Variants in CFAP20DC observed in about 807,000 individuals in gnomAD.
CFAP20DC encodes CFAP20 domain containing.
Under a neutral mutation model 101.7 loss-of-function variants are expected in CFAP20DC, and 84 were observed. The observed-to-expected ratio is 0.83, with a 90% CI of 0.69 to 0.99. The LOEUF is 0.99. Ranked by LOEUF, CFAP20DC falls within the 50% of genes least tolerant of loss-of-function variation. CFAP20DC has a pLI of 0.00. For synonymous variants in CFAP20DC, 359 were observed against 351.2 expected (o/e 1.02, Z -0.25); for missense variants, 1,007 against 970.3 (o/e 1.04, Z -0.50).
chr3:58,816,711 G>T (rs1053907968), intron 14 of CFAP20DC, among the ~76,000 whole-genome samples: 1 of 152,216 alleles, frequency 6.6e-6, no homozygotes, highest in African/African-American at 2.4e-5. Flanking sequence ...CGAGGCTGGG[G>T]GAGGGGCGCC....
Position 58,849,136 on chromosome 3 carries a change from T to G in CFAP20DC, c.1867A>C (p.Ile623Leu). The G allele has an allele frequency of 6.5e-7, 1 of 1,536,112 alleles. No individual in the cohort carries two copies. Among genetic ancestry groups the G allele is most frequent in the Non-Finnish European group, 8.7e-7 (1 of 1,146,910 alleles). ...GSCQKTPEPVIKAKDLSAQQV... is the reference protein window; with the variant it reads ...GSCQKTPEPVLKAKDLSAQQV... The stretch of plus-strand genomic sequence containing the variant: ...TGGGCTGATAGATCCTTCGCTTTGA[T>G]TACGGGCTCTGGAGTTTTCTGACAG... Residue 623 changes from isoleucine (I) to leucine (L), a missense_variant, in exon 13 of 17, where the codon ATC becomes CTC. By Grantham distance (5) the Ile-to-Leu change is conservative. Coordinates refer to ENST00000482387, the MANE Select transcript of CFAP20DC (RefSeq NM_001394063.1).
chr3:58,770,457 T>C (rs2107489621), intron 15 of CFAP20DC, among the ~76,000 whole-genome samples: 1 of 152,300 alleles, frequency 6.6e-6, no homozygotes, highest in South Asian at 2.1e-4. Context: ...AAGTGTTAGA[T>C]AGAGGTAAGC....
intron 15 of CFAP20DC, among the ~76,000 whole-genome samples, chr3:58,801,142 G>A (rs1221848008): frequency 1.3e-5 from 2 of 152,054 alleles, no homozygotes; most frequent in African/African-American, 4.8e-5. Flanking sequence ...ATCAGTAAAT[G>A]AGCTTTCAGC....
chr3:58,896,126 G>T (rs1285909691), intron 6 of CFAP20DC, among the ~76,000 whole-genome samples: 1 of 152,172 alleles, frequency 6.6e-6, no homozygotes, highest in Non-Finnish European at 1.5e-5. Context: ...TCTTGGGAGG[G>T]TGTATGCATC....
At chr3:58,856,590 C>T (rs2078849694) in intron 12 of CFAP20DC, among the ~76,000 whole-genome samples, 1 of 152,182 alleles carries the variant, frequency 6.6e-6, no homozygotes, top group Non-Finnish European at 1.5e-5. Context: ...ACTCTGCCTT[C>T]AGGCAGAAAA....
At chr3:58,862,143 G>C in intron 12 of CFAP20DC, 1 of 954,688 alleles carries the variant, frequency 1.0e-6, no homozygotes, top group Non-Finnish European at 1.2e-6. Context: ...GTTTTCCAGA[G>C]AACTACCATT....
chr3:58,876,917 A>G (rs2080798138), intron 7 of CFAP20DC, among the ~76,000 whole-genome samples: 1 of 152,242 alleles, frequency 6.6e-6, no homozygotes, highest in Non-Finnish European at 1.5e-5. Flanking sequence ...CAAATACAAA[A>G]AAGGCTGATC....
rs1270679978 is a variant in CFAP20DC, at chr3:59,039,649, C to T, written c.206-20G>A. The T allele has an allele frequency of 1.4e-6, 2 of 1,444,414 alleles. No individual in the cohort carries two copies. The highest frequency in any genetic ancestry group is 1.9e-6 in the Non-Finnish European group (2 of 1,071,372). 89.5% of individuals were successfully genotyped at this position (1,444,414 alleles called of 1,614,324 possible). ...ATCCAACTAGAATGAAGAGGAAATA[C>T]ACATTCAAATGTTCGAAGCATTTAT... On this transcript the variant is annotated intron_variant, in intron 3 of 16. Transcript: ENST00000482387.
At chr3:58,781,599 A>T (rs1245788543) in intron 15 of CFAP20DC, among the ~76,000 whole-genome samples, 1 of 151,962 alleles carries the variant, frequency 6.6e-6, no homozygotes, top group Non-Finnish European at 1.5e-5. Context: ...ATGAAACCGA[A>T]GATATTACAA....
chr3:58,817,599 A>G (rs1331465438), intron 14 of CFAP20DC, among the ~76,000 whole-genome samples: 2 of 143,932 alleles, frequency 1.4e-5, no homozygotes, highest in African/African-American at 5.2e-5. Flanking sequence ...AAAAAAGAAT[A>G]AAAAGAAATG....
chr3:59,008,270 GTGAACAGCTTTCC>G, intron 4 of CFAP20DC, among the ~76,000 whole-genome samples: 1 of 152,258 alleles, frequency 6.6e-6, no homozygotes, highest in South Asian at 2.1e-4. Flanking sequence ...AGGCTGTGAG[GTGAACAGCTTTCC>G]TGGTGACCTG....
Position 58,861,101 on chromosome 3 carries a change from AG to A in CFAP20DC, c.1593+2456del, listed in dbSNP as rs1268912555. 1.3e-5 allele frequency: 2 copies of A among 153,212 alleles called. No individual in the cohort carries two copies. Among genetic ancestry groups the A allele is most frequent in the African/African-American group, 4.8e-5 (2 of 41,472 alleles). The allele number at this position is 153,212 out of a possible 1,614,324, so 9.5% of individuals were successfully genotyped here. A position where few individuals can be genotyped will look rare whatever the true frequency, so the allele number is the denominator to read the frequency against. ...ATTACAATGACAATGTATTGCTGAA[AG>A]CTAATTTTAATTAGCTTTTACTGTT... is the stretch of plus-strand genomic sequence containing the variant. On this transcript the variant is annotated intron_variant, in intron 12 of 16. Coordinates refer to ENST00000482387, the MANE Select transcript of CFAP20DC (RefSeq NM_001394063.1). The surrounding 1 kb of genome is among the most constrained non-coding windows in gnomAD (Gnocchi z 4.0).
intron 15 of CFAP20DC, among the ~76,000 whole-genome samples, chr3:58,787,233 G>C (rs913195941): frequency 6.7e-6 from 1 of 149,246 alleles, no homozygotes; most frequent in Non-Finnish European, 1.5e-5. Flanking sequence ...GTAAACTATC[G>C]CAAGAACAAA....
intron 15 of CFAP20DC, among the ~76,000 whole-genome samples, chr3:58,765,186 A>C (rs1030222651): frequency 6.6e-6 from 1 of 152,140 alleles, no homozygotes; most frequent in Admixed American, 6.5e-5. Context: ...TTGTCTAAAA[A>C]CAAGATTGTG....
intron 13 of CFAP20DC, among the ~76,000 whole-genome samples, chr3:58,836,871 C>T (rs1430087529): frequency 2.0e-5 from 3 of 151,986 alleles, no homozygotes; most frequent in African/African-American, 7.2e-5. Context: ...GGGAGATATA[C>T]AAAATGGTTT....
intron 14 of CFAP20DC, among the ~76,000 whole-genome samples, chr3:58,812,388 A>C (rs1303449079): frequency 6.6e-6 from 1 of 152,172 alleles, no homozygotes; most frequent in East Asian, 1.9e-4. Context: ...AAAAATGATG[A>C]GTTCATGTCC....
intron 2 of CFAP20DC, 31 bp from the exon 3 acceptor site, chr3:59,046,353 A>G: frequency 7.5e-7 from 1 of 1,332,852 alleles, no homozygotes; most frequent in Non-Finnish European, 1.0e-6. Flanking sequence ...AGTAGTTATC[A>G]CAGGATATTT....
intron 15 of CFAP20DC, among the ~76,000 whole-genome samples, chr3:58,759,765 T>C (rs2107341978): frequency 6.6e-6 from 1 of 152,346 alleles, no homozygotes; most frequent in South Asian, 2.1e-4. Flanking sequence ...CTAGCCAGTT[T>C]TCCCAGCACC....
chr3:59,019,255 C>T (rs966324029), intron 4 of CFAP20DC, among the ~76,000 whole-genome samples: 1 of 151,900 alleles, frequency 6.6e-6, no homozygotes, highest in Admixed American at 6.6e-5. Context: ...AGAATAAATT[C>T]GTTATTCTGG....
Sources: gnomAD v4.1 joint callset for allele counts (sites outside exome capture counted in the v4.1 genomes callset) on GRCh38, gnomAD v4.1.1 for gene constraint, Gnocchi (gnomAD v3.1) non-coding constraint, MANE v1.5 for transcripts, NCBI Gene and HGNC (gene_info 2026-07-23, HGNC 2026-07-21) for gene names.